The following CDH13 variants were observed in gnomAD, a reference collection of about 807,000 sequenced individuals.
CDH13 encodes cadherin-13.
Under a neutral mutation model 63.8 loss-of-function variants are expected in CDH13, and 24 were observed. That is an observed-to-expected ratio of 0.38 (90% CI 0.27 to 0.53). CDH13 has a LOEUF of 0.53. Ranked by LOEUF, CDH13 falls within the 20% of genes least tolerant of loss-of-function variation. CDH13 has a pLI of 0.85. For missense variants in CDH13, 1,049 were observed against 903.1 expected (o/e 1.16, Z -2.07); for synonymous variants, 503 against 355.3 (o/e 1.42, Z -4.67).
At chr16:83,236,702 A>G (rs984817937) in intron 5 of CDH13, among the ~76,000 whole-genome samples, 10 of 152,048 alleles carry the variant, frequency 6.6e-5, no homozygotes, top group Non-Finnish European at 2.9e-5. Flanking sequence ...GAGTCCAGTA[A>G]TTCATGAATG....
intron 4 of CDH13, among the ~76,000 whole-genome samples, chr16:83,151,070 A>G (rs1017059622): frequency 9.2e-5 from 14 of 152,202 alleles, no homozygotes; most frequent in African/African-American, 2.9e-4. Flanking sequence ...AGTGAAATCA[A>G]TCTTGTTCCC....
At position 83,256,943 on chromosome 16, in the gene CDH13, C is replaced by T. The variant is rs144368061; in HGVS notation, c.636+39446C>T. Among the ~76,000 whole-genome samples, 637 of 151,874 alleles carry T rather than the reference C, an allele frequency of 4.2e-3. 4 individuals are homozygous for T. Among genetic ancestry groups the T allele is most frequent in the African/African-American group, 0.015 (615 of 41,398 alleles). On this transcript the variant is annotated intron_variant, in intron 5 of 13. Coordinates refer to ENST00000567109, the MANE Select transcript of CDH13 (RefSeq NM_001257.5). ...CCTACAAATATTAGAATTTGTTGCT[C>T]GCCTGCTATATGTTGGGGCCTGCAT... is the stretch of plus-strand genomic sequence containing the variant.
chr16:83,438,249 C>T (rs956738724), intron 6 of CDH13, among the ~76,000 whole-genome samples: 3 of 152,240 alleles, frequency 2.0e-5, no homozygotes, highest in African/African-American at 4.8e-5. Flanking sequence ...TTGGTATTCA[C>T]CATGCTCCAT....
chr16:82,706,102 T>A (rs1188449657), intron 1 of CDH13, among the ~76,000 whole-genome samples: 2 of 151,988 alleles, frequency 1.3e-5, no homozygotes, highest in African/African-American at 2.4e-5. Context: ...CTTCCTGTCT[T>A]CCTCACTCCT....
intron 4 of CDH13, among the ~76,000 whole-genome samples, chr16:83,168,762 T>A (rs2037797139): frequency 6.6e-6 from 1 of 152,314 alleles, no homozygotes; most frequent in East Asian, 1.9e-4. Context: ...TATGTAAGAT[T>A]AAACTATATG....
chr16:82,952,008 C>T (rs571233705), intron 2 of CDH13, among the ~76,000 whole-genome samples: 55 of 152,334 alleles, frequency 3.6e-4, no homozygotes, highest in African/African-American at 6.5e-4. Context: ...CTTGGCTATA[C>T]GCTTCACTGG....
intron 7 of CDH13, among the ~76,000 whole-genome samples, chr16:83,517,726 A>C (rs920286376): frequency 6.6e-6 from 1 of 152,208 alleles, no homozygotes; most frequent in Non-Finnish European, 1.5e-5. Flanking sequence ...AAAAATGCTA[A>C]AGGAGAGAAA....
chr16:83,545,506 GTC>G (rs1261725859), intron 7 of CDH13, among the ~76,000 whole-genome samples: 9 of 152,188 alleles, frequency 5.9e-5, no homozygotes, highest in African/African-American at 1.9e-4. Context: ...AGAGGGGAAA[GTC>G]CACTGCCTGG....
At chr16:83,039,275 TAA>T (rs1454504773) in intron 3 of CDH13, among the ~76,000 whole-genome samples, 1 of 152,232 alleles carries the variant, frequency 6.6e-6, no homozygotes, top group African/African-American at 2.4e-5. Flanking sequence ...GGATAAATTC[TAA>T]AGACAGCATA....
intron 5 of CDH13, among the ~76,000 whole-genome samples, chr16:83,231,593 C>G (rs1410573538): frequency 6.6e-6 from 1 of 152,200 alleles, no homozygotes; most frequent in South Asian, 2.1e-4. Flanking sequence ...GGTCTGCAAA[C>G]TGTGGCCTGC....
intron 4 of CDH13, among the ~76,000 whole-genome samples, chr16:83,155,505 G>T (rs1265221673): frequency 2.6e-5 from 4 of 152,142 alleles, no homozygotes; most frequent in African/African-American, 9.7e-5. Context: ...TTGGTCTCCT[G>T]TCCTCTCTCT....
intron 7 of CDH13, among the ~76,000 whole-genome samples, chr16:83,561,235 T>C (rs960542545): frequency 1.3e-5 from 2 of 151,482 alleles, no homozygotes; most frequent in Non-Finnish European, 2.9e-5. Context: ...TCACCTGAGG[T>C]TGGGAGTTTG....
chr16:82,843,354 A>G (rs1233039345), intron 1 of CDH13, among the ~76,000 whole-genome samples: 1 of 152,194 alleles, frequency 6.6e-6, no homozygotes, highest in Non-Finnish European at 1.5e-5. Flanking sequence ...ATTCCTTTTA[A>G]TTCAGGATGG....
At chr16:83,565,136 T>C (rs967570470) in intron 7 of CDH13, among the ~76,000 whole-genome samples, 2 of 152,156 alleles carry the variant, frequency 1.3e-5, no homozygotes, top group African/African-American at 4.8e-5. Context: ...TCTCCAATAC[T>C]CTTCAGGCCC....
At chr16:83,432,422 C>T (rs966133992) in intron 6 of CDH13, among the ~76,000 whole-genome samples, 5 of 152,170 alleles carry the variant, frequency 3.3e-5, no homozygotes, top group African/African-American at 1.2e-4. Context: ...AAGTAGGCTT[C>T]AAGTGGAATG....
At chr16:83,186,319 A>G (rs994484567) in intron 4 of CDH13, among the ~76,000 whole-genome samples, 1 of 151,708 alleles carries the variant, frequency 6.6e-6, no homozygotes, top group East Asian at 1.9e-4. Context: ...TTGTACTTTT[A>G]GTAGAGATGG....
intron 3 of CDH13, among the ~76,000 whole-genome samples, chr16:83,054,446 C>G (rs13333183): frequency 1.5e-4 from 23 of 152,284 alleles, no homozygotes; most frequent in African/African-American, 4.8e-4. Flanking sequence ...CATAACTACA[C>G]AGCTACTGAG....
intron 13 of CDH13, among the ~76,000 whole-genome samples, chr16:83,789,732 GA>G (rs1370131353): frequency 1.3e-5 from 2 of 152,202 alleles, no homozygotes; most frequent in African/African-American, 4.8e-5. Context: ...TCAGCTGGTA[GA>G]ATCTCTTTGA....
chr16:82,927,937 G>A (rs907172074), intron 2 of CDH13, among the ~76,000 whole-genome samples: 1 of 152,176 alleles, frequency 6.6e-6, no homozygotes, highest in Non-Finnish European at 1.5e-5. Flanking sequence ...AGATATTGGG[G>A]CTATAAGACA....
Sources: allele counts gnomAD v4.1 joint callset (sites outside exome capture counted in the v4.1 genomes callset), GRCh38; gene constraint gnomAD v4.1.1; transcripts MANE v1.5; gene names NCBI Gene and HGNC (gene_info 2026-07-23, HGNC 2026-07-21).